Variants in TTL observed in about 807,000 individuals in gnomAD.
TTL encodes tubulin--tyrosine ligase.
In TTL, 10 loss-of-function variants were observed where a neutral mutation model predicts 41.1. The ratio of observed to expected loss-of-function variants is 0.24; its 90% confidence interval spans 0.15 to 0.41. The LOEUF (loss-of-function observed/expected upper bound fraction) is 0.41, where lower values mean the gene tolerates loss of function less well. Ranked by LOEUF, TTL falls within the 10% of genes least tolerant of loss-of-function variation. The pLI is 1.00. For missense variants in TTL, 367 were observed against 460.4 expected (o/e 0.80, Z 1.86); for synonymous variants, 175 against 175.5 (o/e 1.00, Z 0.02).
chr2:112,511,833 A>G (rs1307916862), intron 5 of TTL, among the ~76,000 whole-genome samples: 1 of 151,976 alleles, frequency 6.6e-6, no homozygotes, highest in Admixed American at 6.6e-5. Context: ...AGCCTCCCAG[A>G]GTGCTAGGAT....
At chr2:112,499,293 C>T (rs6721378) in intron 3 of TTL, among the ~76,000 whole-genome samples, 74 of 152,260 alleles carry the variant, frequency 4.9e-4, no homozygotes, top group African/African-American at 1.5e-3. Context: ...CAGAGCAAGA[C>T]TCTGTCTCAA....
intron 5 of TTL, among the ~76,000 whole-genome samples, chr2:112,516,358 G>A (rs1369368221): frequency 3.9e-5 from 6 of 152,100 alleles, no homozygotes; most frequent in Admixed American, 3.9e-4. Flanking sequence ...TTTCCCCGCT[G>A]CATTGTGGTG....
At chr2:112,521,888 C>G (rs1460745436) in intron 6 of TTL, among the ~76,000 whole-genome samples, 2 of 152,192 alleles carry the variant, frequency 1.3e-5, no homozygotes, top group Non-Finnish European at 2.9e-5. Flanking sequence ...GAACTGAGAT[C>G]TGAAGGCCAA....
At position 112,502,998 on chromosome 2, in the gene TTL, A is replaced by C. The variant is rs536669159; in HGVS notation, c.692A>C (p.Asp231Ala). 6.2e-7 allele frequency: 1 copy of C among 1,614,150 alleles called. No individual in the cohort carries two copies. Among genetic ancestry groups the C allele is most frequent in the East Asian group, 2.2e-5 (1 of 44,872 alleles). Residue 231 changes from aspartate (D) to alanine (A), a missense_variant, in exon 5 of 7, where the codon GAT (aspartate) becomes GCT (alanine). Transcript: ENST00000233336. The part of the protein sequence containing the change: ...LRTASEPYHV[D>A]NFQDKTCHLT... The stretch of plus-strand genomic sequence containing the variant: ...ACTGCTTCAGAACCATATCATGTTG[A>C]TAATTTCCAAGACAAAACCTGCCAT...
At chr2:112,507,639 C>T (rs1217814360) in intron 5 of TTL, among the ~76,000 whole-genome samples, 3 of 139,126 alleles carry the variant, frequency 2.2e-5, no homozygotes, top group Non-Finnish European at 3.1e-5. Context: ...GGATTGCAGC[C>T]CCTGCCTTTT....
In TTL at chr2:112,534,843, G is replaced by T. The variant is rs1682570148; in HGVS notation, c.*6048G>T. On this transcript the variant is annotated 3_prime_UTR_variant, in exon 7 of 7. Coordinates refer to ENST00000233336, the MANE Select transcript of TTL (RefSeq NM_153712.5). ...ATGTGTAGGACTGTGCACATGCCCA[G>T]AAGAGACCTGAGAATTCCCCAGCTC... 6.6e-6 allele frequency: 1 copy of T among 151,554 alleles called. No individual in the cohort carries two copies. The highest frequency in any genetic ancestry group is 2.5e-5 in the African/African-American group (1 of 40,800). The allele number at this position is 151,554 out of a possible 1,614,324, so 9.4% of individuals were successfully genotyped here. A position where few individuals can be genotyped will look rare whatever the true frequency, so the allele number is the denominator to read the frequency against.
chr2:112,518,778 G>GA (rs1682143685), intron 5 of TTL, among the ~76,000 whole-genome samples: 1 of 151,346 alleles, frequency 6.6e-6, no homozygotes, highest in African/African-American at 2.4e-5. Context: ...GTGTTCAAGC[G>GA]ATTCTCCTGC....
Position 112,482,502 on chromosome 2 carries a change from G to A in TTL, c.157+1G>A. On this transcript the variant is annotated splice_donor_variant, in intron 1 of 6. Coordinates refer to ENST00000233336, the MANE Select transcript of TTL (RefSeq NM_153712.5). LOFTEE classifies it high-confidence loss of function. The surrounding 1 kb of genome is among the most constrained non-coding windows in gnomAD (Gnocchi z 5.3). The stretch of plus-strand genomic sequence containing the variant: ...AATCGGCTGCCCTTCGGGAGACTGG[G>A]TGAGCCCCTCCCCGATTCCCGTCTG... The A allele has an allele frequency of 1.2e-6, 2 of 1,602,314 alleles. No homozygotes were observed. Among genetic ancestry groups the A allele is most frequent in the Non-Finnish European group, 1.7e-6 (2 of 1,174,254 alleles).
At chr2:112,485,843 G>T in intron 1 of TTL, 74 bp from the exon 2 acceptor site, 1 of 1,309,772 alleles carries the variant, frequency 7.6e-7, no homozygotes, top group Non-Finnish European at 1.1e-6. Context: ...GAGAAAAGCT[G>T]GGCATGACAC....
At chr2:112,515,576 C>T (rs1682045907) in intron 5 of TTL, among the ~76,000 whole-genome samples, 1 of 152,152 alleles carries the variant, frequency 6.6e-6, no homozygotes, top group Non-Finnish European at 1.5e-5. Context: ...TGCATGTACT[C>T]ACCTAGCTGT....
chr2:112,498,774 G>GGGCGCCTGTAA (rs1681607297), intron 3 of TTL, among the ~76,000 whole-genome samples: 1 of 151,378 alleles, frequency 6.6e-6, no homozygotes, highest in South Asian at 2.1e-4. Context: ...GCATGGTGGC[G>GGGCGCCTGTAA]GGCGCCTGTA....
intron 2 of TTL, among the ~76,000 whole-genome samples, chr2:112,488,577 G>T (rs1365954956): frequency 1.3e-5 from 2 of 151,862 alleles, no homozygotes; most frequent in Non-Finnish European, 2.9e-5. Context: ...GGCCAGCATG[G>T]TAAAACCCCA....
chr2:112,488,480 G>A (rs558892105), intron 2 of TTL, among the ~76,000 whole-genome samples: 17 of 152,250 alleles, frequency 1.1e-4, no homozygotes, highest in Admixed American at 2.6e-4. Context: ...GCTGCAAGCC[G>A]GGCGTGGTGG....
At position 112,529,147 on chromosome 2, in the gene TTL, C is replaced by T; in HGVS notation, c.*352C>T. The T allele has an allele frequency of 2.6e-6, 1 of 387,374 alleles. No individual in the cohort carries two copies. The highest frequency in any genetic ancestry group is 4.8e-6 in the Non-Finnish European group (1 of 207,158). 24.0% of individuals were successfully genotyped at this position (387,374 alleles called of 1,614,324 possible). ...GCAGCCCTAGTGCCTTAGCTCCATG[C>T]CCGGCTGCAGCCCCACTGCTCTGGA... On this transcript the variant is annotated 3_prime_UTR_variant, in exon 7 of 7. Transcript: ENST00000233336.
intron 5 of TTL, among the ~76,000 whole-genome samples, chr2:112,511,078 C>T (rs1305182637): frequency 1.3e-5 from 2 of 152,100 alleles, no homozygotes; most frequent in Non-Finnish European, 2.9e-5. Context: ...AATGCAGTGG[C>T]ACAAACATGG....
chr2:112,522,613 C>T (rs951731492), intron 6 of TTL: 7 of 152,364 alleles, frequency 4.6e-5, no homozygotes, highest in African/African-American at 1.2e-4. Context: ...TACCAAATTA[C>T]ATCACAGCCC....
chr2:112,520,779 A>T, intron 6 of TTL: 1 of 211,778 alleles, frequency 4.7e-6, no homozygotes, highest in Admixed American at 5.0e-5. Context: ...TTAGTCAGGC[A>T]TGGTGCTGTG....
intron 2 of TTL, among the ~76,000 whole-genome samples, chr2:112,489,555 A>G (rs1681327275): frequency 6.6e-6 from 1 of 152,264 alleles, no homozygotes; most frequent in East Asian, 1.9e-4. Flanking sequence ...TCAAAGATGT[A>G]TTGAATATAT....
At chr2:112,515,625 A>T (rs748391232) in intron 5 of TTL, among the ~76,000 whole-genome samples, 1 of 152,162 alleles carries the variant, frequency 6.6e-6, no homozygotes, top group African/African-American at 2.4e-5. Context: ...AGCATCCCAG[A>T]AGACTCCTTT....
Sources: gnomAD v4.1 joint callset for allele counts (sites outside exome capture counted in the v4.1 genomes callset) on GRCh38, gnomAD v4.1.1 for gene constraint, Gnocchi (gnomAD v3.1) non-coding constraint, MANE v1.5 for transcripts, NCBI Gene and HGNC (gene_info 2026-07-23, HGNC 2026-07-21) for gene names.